ZBTB7C: variants seen among roughly 807,000 people sequenced by gnomAD.
The protein encoded by ZBTB7C is zinc finger and BTB domain-containing protein 7C.
A neutral mutation model predicts 25.7 loss-of-function variants in ZBTB7C; 8 were observed. That is an observed-to-expected ratio of 0.31 (90% CI 0.18 to 0.56). The LOEUF (loss-of-function observed/expected upper bound fraction) is 0.56, where lower values mean the gene tolerates loss of function less well. ZBTB7C is among the 20% of genes least tolerant of loss of function. The pLI, the probability that ZBTB7C is intolerant of heterozygous loss-of-function variation, is 0.91. For missense variants in ZBTB7C, 824 were observed against 855.2 expected (o/e 0.96, Z 0.46); for synonymous variants, 394 against 369.0 (o/e 1.07, Z -0.78).
chr18:48,275,908 T>G (rs1454014707), intron 2 of ZBTB7C, among the ~76,000 whole-genome samples: 1 of 152,160 alleles, frequency 6.6e-6, no homozygotes, highest in Non-Finnish European at 1.5e-5. Context: ...AACTACAGAC[T>G]TGTTTTCTCC....
intron 1 of ZBTB7C, among the ~76,000 whole-genome samples, chr18:48,355,613 C>A (rs528914499): frequency 6.6e-6 from 1 of 152,202 alleles, no homozygotes; most frequent in South Asian, 2.1e-4. Flanking sequence ...GCTCCTTTAC[C>A]AGCACCACTG....
intron 2 of ZBTB7C, among the ~76,000 whole-genome samples, chr18:48,283,090 A>C (rs1259952984): frequency 1.3e-5 from 2 of 152,258 alleles, no homozygotes; most frequent in East Asian, 3.8e-4. Flanking sequence ...TGGGGAATGC[A>C]AATTAGTAAA....
chr18:48,149,205 C>T lies in ZBTB7C; in HGVS notation c.-17+36729G>A, dbSNP rs189688930. The T allele has an allele frequency of 7.5e-3, 1,055 of 140,400 alleles. 7 individuals carry two copies. Among genetic ancestry groups the T allele is most frequent in the Non-Finnish European group, 0.011 (723 of 63,536 alleles). The allele number at this position is 140,400 out of a possible 1,614,324, so 8.7% of individuals were successfully genotyped here. On this transcript the variant is annotated intron_variant, in intron 3 of 4. Coordinates refer to ENST00000590800, the MANE Select transcript of ZBTB7C (RefSeq NM_001318841.2). ...GTGTGTGCGCACGTGTGTGTGCACG[C>T]GTGTGTGTATGCATGCATGCTCATG...
chr18:48,132,791 G>A (rs530917667), intron 3 of ZBTB7C, among the ~76,000 whole-genome samples: 1 of 152,168 alleles, frequency 6.6e-6, no homozygotes, highest in South Asian at 2.1e-4. Context: ...GGACCAACCT[G>A]TTGTCTCCAG....
At chr18:48,339,606 C>G (rs915185783) in intron 1 of ZBTB7C, among the ~76,000 whole-genome samples, 2 of 152,080 alleles carry the variant, frequency 1.3e-5, no homozygotes, top group African/African-American at 4.8e-5. Flanking sequence ...CCAGCAAGCT[C>G]CCTGGCCCTA....
At chr18:48,368,225 AAAGG>A (rs977389839) in intron 1 of ZBTB7C, among the ~76,000 whole-genome samples, 2 of 149,798 alleles carry the variant, frequency 1.3e-5, no homozygotes, top group African/African-American at 4.9e-5. Flanking sequence ...CAACCAATGA[AAAGG>A]AAGAAAGCCT....
Position 48,186,572 on chromosome 18 carries a change from C to T in ZBTB7C, c.-78-577G>A, listed in dbSNP as rs192820344. On this transcript the variant is annotated intron_variant, in intron 2 of 4. Coordinates refer to ENST00000590800, the MANE Select transcript of ZBTB7C (RefSeq NM_001318841.2). ...TAAGGCCAGGCAGGAACGTTCGGGG[C>T]GGGAGGGAGTTGACACCAAAGACTT... 2.5e-4 allele frequency among the ~76,000 whole-genome samples: 38 copies of T among 152,254 alleles called. No homozygotes were observed. The East Asian group carries it at 6.2e-3, about 25-fold the overall frequency.
At chr18:48,223,406 T>A (rs12968919) in intron 2 of ZBTB7C, among the ~76,000 whole-genome samples, 46,851 of 152,090 alleles carry the variant, frequency 0.31, 8,314 homozygotes, top group East Asian at 0.65. Context: ...CCCAACCCCA[T>A]CTTTCTCAGC....
At chr18:48,160,990 T>C (rs2040999109) in intron 3 of ZBTB7C, among the ~76,000 whole-genome samples, 1 of 151,094 alleles carries the variant, frequency 6.6e-6, no homozygotes, top group South Asian at 2.1e-4. Context: ...CGTCTTTGAT[T>C]GCAGACACCT....
intron 3 of ZBTB7C, among the ~76,000 whole-genome samples, chr18:48,063,194 G>A (rs1006847567): frequency 2.6e-5 from 4 of 152,230 alleles, no homozygotes; most frequent in Non-Finnish European, 5.9e-5. Flanking sequence ...GGCAAGTTGG[G>A]ATGGTTGGTC....
intron 2 of ZBTB7C, among the ~76,000 whole-genome samples, chr18:48,282,816 GAT>G (rs2044908335): frequency 6.6e-6 from 1 of 152,190 alleles, no homozygotes. Context: ...ATTAAGCTAT[GAT>G]GTTAAAAGTC....
intron 2 of ZBTB7C, among the ~76,000 whole-genome samples, chr18:48,267,948 C>A (rs957523561): frequency 6.6e-6 from 1 of 152,096 alleles, no homozygotes; most frequent in African/African-American, 2.4e-5. Flanking sequence ...TGATAGCAGC[C>A]CAAATGGACT....
chr18:48,274,551 T>C (rs2044589442), intron 2 of ZBTB7C, among the ~76,000 whole-genome samples: 1 of 152,080 alleles, frequency 6.6e-6, no homozygotes, highest in Non-Finnish European at 1.5e-5. Flanking sequence ...CTCCTCCCAG[T>C]CTCCCCTATT....
chr18:48,123,001 C>G (rs997028233), intron 3 of ZBTB7C, among the ~76,000 whole-genome samples: 1 of 152,148 alleles, frequency 6.6e-6, no homozygotes, highest in Admixed American at 6.5e-5. Flanking sequence ...TGGGGCTGGT[C>G]GAACTTGTCC....
chr18:48,348,570 AC>A (rs1363070027), intron 1 of ZBTB7C, among the ~76,000 whole-genome samples: 2 of 152,196 alleles, frequency 1.3e-5, no homozygotes, highest in Non-Finnish European at 2.9e-5. Context: ...TAATCCCAGC[AC>A]TTTGGGAGGC....
chr18:48,371,609 T>G (rs2047390151), intron 1 of ZBTB7C, among the ~76,000 whole-genome samples: 1 of 152,208 alleles, frequency 6.6e-6, no homozygotes, highest in South Asian at 2.1e-4. Flanking sequence ...GCAGGAGGAC[T>G]TCCATGCCAC....
intron 3 of ZBTB7C, among the ~76,000 whole-genome samples, chr18:48,093,517 G>C (rs1305819103): frequency 1.3e-5 from 2 of 152,294 alleles, no homozygotes; most frequent in African/African-American, 4.8e-5. Flanking sequence ...TTTGAGGCCA[G>C]AGCAGAGACA....
intron 2 of ZBTB7C, among the ~76,000 whole-genome samples, chr18:48,208,337 C>T (rs1334792975): frequency 2.6e-5 from 4 of 152,148 alleles, no homozygotes; most frequent in African/African-American, 9.7e-5. Context: ...GGACTGTCCA[C>T]CAATGCCGTT....
chr18:48,159,812 C>A (rs1442534840), intron 3 of ZBTB7C, among the ~76,000 whole-genome samples: 1 of 152,212 alleles, frequency 6.6e-6, no homozygotes, highest in Admixed American at 6.5e-5. Flanking sequence ...GCAGGCAGGA[C>A]CCCAGAGGCA....
Sources: gnomAD v4.1 joint callset for allele counts (sites outside exome capture counted in the v4.1 genomes callset) on GRCh38, gnomAD v4.1.1 for gene constraint, MANE v1.5 for transcripts, NCBI Gene and HGNC (gene_info 2026-07-23, HGNC 2026-07-21) for gene names.